Variants in UBXN11 observed in about 807,000 individuals in gnomAD.
UBXN11 encodes UBX domain-containing protein 11.
UBXN11 carries 47 observed loss-of-function variants against 62.8 expected under a neutral mutation model. The observed-to-expected ratio is 0.75, with a 90% CI of 0.59 to 0.95. The LOEUF is 0.95. Ranked by LOEUF, UBXN11 falls within the 40% of genes least tolerant of loss-of-function variation. The pLI is 0.00. For synonymous variants in UBXN11, 294 were observed against 267.0 expected, an observed-to-expected ratio of 1.10 and a Z score of -0.99; for missense variants, 638 against 661.7, an observed-to-expected ratio of 0.96 and a Z score of 0.39.
At chr1:26,305,822 A>G (rs2073653991) in intron 1 of UBXN11, among the ~76,000 whole-genome samples, 1 of 152,030 alleles carries the variant, frequency 6.6e-6, no homozygotes, top group South Asian at 2.1e-4. Flanking sequence ...TGCCTCTTAC[A>G]TCAAACCCTG....
At chr1:26,312,252 T>C (rs1435295653) in intron 1 of UBXN11, among the ~76,000 whole-genome samples, 2 of 152,108 alleles carry the variant, frequency 1.3e-5, no homozygotes, top group Non-Finnish European at 2.9e-5. Flanking sequence ...GCTGCCATTA[T>C]AGCATTTCTT....
chr1:26,286,393 G>A (rs2073135175), intron 8 of UBXN11, among the ~76,000 whole-genome samples: 1 of 152,232 alleles, frequency 6.6e-6, no homozygotes, highest in Admixed American at 6.5e-5. Context: ...ATCTGTGTCA[G>A]GCACTGGGTT....
At chr1:26,312,120 G>T (rs1318567665) in intron 1 of UBXN11, among the ~76,000 whole-genome samples, 2 of 151,940 alleles carry the variant, frequency 1.3e-5, no homozygotes, top group Non-Finnish European at 2.9e-5. Flanking sequence ...TTCCATTTGG[G>T]AAAATTCCCA....
At chr1:26,286,757 T>C (rs1237167900) in intron 8 of UBXN11, among the ~76,000 whole-genome samples, 3 of 152,134 alleles carry the variant, frequency 2.0e-5, no homozygotes, top group South Asian at 2.1e-4. Flanking sequence ...TGGAGTGCAA[T>C]GGTACAATCT....
intron 1 of UBXN11, among the ~76,000 whole-genome samples, chr1:26,305,243 G>A (rs894011515): frequency 5.9e-5 from 9 of 152,048 alleles, no homozygotes; most frequent in South Asian, 2.1e-4. Flanking sequence ...TAGGATTACC[G>A]GCGTGAGCCA....
intron 1 of UBXN11, among the ~76,000 whole-genome samples, chr1:26,315,236 C>T (rs2073780674): frequency 6.6e-6 from 1 of 152,160 alleles, no homozygotes. Context: ...AAATAAGAGT[C>T]TGGCATTTAG....
exon 1 of UBXN11, chr1:26,318,164 C>A (rs1031274726): frequency 2.2e-5 from 24 of 1,078,682 alleles, no homozygotes; most frequent in Admixed American, 1.8e-5. Flanking sequence ...AGAGACCCAG[C>A]CTTCTCTCCT....
At position 26,298,075 on chromosome 1, in the gene UBXN11, CAA is replaced by C. The variant is rs1450941251; in HGVS notation, c.200-15_200-14del. 6.2e-7 allele frequency: 1 copy of C among 1,610,796 alleles called. No homozygotes were observed. The highest frequency in any genetic ancestry group is 1.3e-5 in the African/African-American group (1 of 74,898). On this transcript the variant is annotated splice_polypyrimidine_tract_variant and intron_variant, in intron 4 of 14. Transcript: ENST00000374222. ...TGGGATGCAGGGACTGCCAAGCACA[CAA>C]AGTCTTTAGAGCCCAGACCTAGAGC...
At chr1:26,302,940 G>GT in intron 1 of UBXN11, 22 bp from the exon 2 acceptor site, 1 of 1,566,152 alleles carries the variant, frequency 6.4e-7, no homozygotes, top group Non-Finnish European at 8.8e-7. Context: ...CAGGAAGTCA[G>GT]CCCCTGGGGA....
intron 4 of UBXN11, among the ~76,000 whole-genome samples, chr1:26,300,069 G>C (rs544905111): frequency 6.6e-6 from 1 of 152,264 alleles, no homozygotes; most frequent in South Asian, 2.1e-4. Context: ...TGAAATGGCC[G>C]CAGAACCTTA....
At chr1:26,293,999 G>A (rs1157764071) in intron 8 of UBXN11, among the ~76,000 whole-genome samples, 2 of 152,156 alleles carry the variant, frequency 1.3e-5, no homozygotes, top group East Asian at 1.9e-4. Flanking sequence ...GTAGGACCGT[G>A]GAGAAGTGGG....
intron 8 of UBXN11, among the ~76,000 whole-genome samples, chr1:26,291,293 GGA>G (rs1313301105): frequency 1.3e-5 from 2 of 152,166 alleles, no homozygotes; most frequent in Non-Finnish European, 2.9e-5. Context: ...CGGGGACGCC[GGA>G]GAGATGTCCC....
intron 2 of UBXN11, among the ~76,000 whole-genome samples, chr1:26,302,362 T>TTA (rs1456692996): frequency 2.9e-5 from 2 of 69,530 alleles, no homozygotes; most frequent in Admixed American, 2.2e-4. Context: ...ACTTGGTCTT[T>TTA]AAAAAAAAAA....
intron 8 of UBXN11, among the ~76,000 whole-genome samples, chr1:26,292,816 T>C: frequency 6.6e-6 from 1 of 151,620 alleles, no homozygotes. Flanking sequence ...ATTGTGCCAT[T>C]GCACTCTAGC....
rs1437588482 is a variant in UBXN11, at chr1:26,306,598, G to A, written c.-42C>T. The A allele has an allele frequency of 6.6e-6, 1 of 152,284 alleles. No individual in the cohort carries two copies. Among genetic ancestry groups the A allele is most frequent in the African/African-American group, 2.4e-5 (1 of 41,446 alleles). 9.4% of individuals were successfully genotyped at this position (152,284 alleles called of 1,614,324 possible). A position where few individuals can be genotyped will look rare whatever the true frequency, so the allele number is the denominator to read the frequency against. On this transcript the variant is annotated 5_prime_UTR_variant, in exon 1 of 15. Coordinates refer to ENST00000374222, the MANE Select transcript of UBXN11 (RefSeq NM_001389556.1). The stretch of plus-strand genomic sequence containing the variant: ...GGTCTTAAGCCAGACTCACCACGCA[G>A]GGCCGCTAGCCGTCCCGCAGCGCCG...
chr1:26,310,193 G>A (rs1026754818), upstream of UBXN11, among the ~76,000 whole-genome samples: 2 of 152,194 alleles, frequency 1.3e-5, no homozygotes, highest in Admixed American at 6.5e-5. Context: ...CTGAGATCAG[G>A]AGTTCGAGAC....
chr1:26,309,245 A>ATTTTTTTTTT (rs34740186), upstream of UBXN11, among the ~76,000 whole-genome samples: 5 of 112,522 alleles, frequency 4.4e-5, no homozygotes, highest in African/African-American at 1.5e-4. Context: ...GAGTCAATTG[A>ATTTTTTTTTT]TTTTTTTTTT....
rs959229239 is a variant in UBXN11 at position 26,297,487 on chromosome 1, G to A, written c.301-6C>T. 3.2e-6 allele frequency: 5 copies of A among 1,553,576 alleles called. No individual in the cohort carries two copies. In the Admixed American group the frequency reaches 9.7e-5, roughly 30 times the overall value. ...AGGGCCGCTATCTTCTGATCCTGTA[G>A]CATAAGACACAGGGTGAGCACAGGG... On this transcript the variant is annotated splice_region_variant and splice_polypyrimidine_tract_variant and intron_variant, in intron 5 of 14. Coordinates refer to ENST00000374222, the MANE Select transcript of UBXN11 (RefSeq NM_001389556.1).
intron 13 of UBXN11, 25 bp downstream of exon 13, chr1:26,282,839 C>A (rs761901021): frequency 1.5e-5 from 24 of 1,613,446 alleles, no homozygotes; most frequent in Non-Finnish European, 1.9e-5. Flanking sequence ...GCCCCCAGGC[C>A]CTCACCTCCT....
Sources: allele counts gnomAD v4.1 joint callset (sites outside exome capture counted in the v4.1 genomes callset), GRCh38; gene constraint gnomAD v4.1.1; transcripts MANE v1.5; gene names NCBI Gene and HGNC (gene_info 2026-07-23, HGNC 2026-07-21).